KIAA1958: variants seen among roughly 807,000 people sequenced by gnomAD.
KIAA1958 encodes the protein uncharacterized protein KIAA1958.
Under a neutral mutation model 47.2 loss-of-function variants are expected in KIAA1958, and 14 were observed. The ratio of observed to expected loss-of-function variants is 0.30; its 90% CI spans 0.20 to 0.46. KIAA1958 has a LOEUF of 0.46. Among genes scored for constraint, KIAA1958 ranks in the 20% least tolerant of loss-of-function variants. The pLI, the probability that KIAA1958 is intolerant of heterozygous loss-of-function variation, is 1.00. For synonymous variants in KIAA1958, 354 were observed against 353.3 expected (o/e 1.00, Z -0.02); for missense variants, 803 against 909.2 (o/e 0.88, Z 1.50).
intron 1 of KIAA1958, among the ~76,000 whole-genome samples, chr9:112,564,707 T>G (rs1835398468): frequency 6.6e-6 from 1 of 152,244 alleles, no homozygotes; most frequent in Admixed American, 6.5e-5. Context: ...GATACAGCTA[T>G]AAATCAAAAT....
At chr9:112,610,817 G>C (rs1836315874) in intron 2 of KIAA1958, among the ~76,000 whole-genome samples, 1 of 152,092 alleles carries the variant, frequency 6.6e-6, no homozygotes, top group Admixed American at 6.5e-5. Flanking sequence ...GACAAAATTT[G>C]CTTATGAATA....
chr9:112,536,069 G>C (rs551983171), intron 1 of KIAA1958, among the ~76,000 whole-genome samples: 6 of 152,132 alleles, frequency 3.9e-5, no homozygotes, highest in African/African-American at 1.4e-4. Context: ...TTGACCTCTG[G>C]GTTCAATGAG....
intron 2 of KIAA1958, among the ~76,000 whole-genome samples, chr9:112,610,672 A>G (rs1461997854): frequency 6.6e-6 from 1 of 152,204 alleles, no homozygotes; most frequent in Admixed American, 6.5e-5. Flanking sequence ...TCCAGGACAC[A>G]TACAGAGAGC....
rs192888219 is a variant in KIAA1958 at position 112,539,829 on chromosome 9, T to C, written c.-24-34228T>C. Reference sequence around the variant, plus strand: ...CCTCAACCTCCTGAGTAGCTGGGATTACAAGCATGCCCCACCATGCCTGGC... The same window carrying C: ...CCTCAACCTCCTGAGTAGCTGGGATCACAAGCATGCCCCACCATGCCTGGC... On this transcript the variant is annotated intron_variant, in intron 1 of 3. Coordinates refer to ENST00000337530, the MANE Select transcript of KIAA1958 (RefSeq NM_133465.4). 6.9e-5 allele frequency among the ~76,000 whole-genome samples: 10 copies of C among 145,390 alleles called. No individual in the cohort carries two copies. The East Asian group carries it at 2.0e-3, about 30-fold the overall frequency.
intron 2 of KIAA1958, among the ~76,000 whole-genome samples, chr9:112,626,857 C>T (rs543112773): frequency 3.3e-5 from 5 of 149,464 alleles, no homozygotes; most frequent in Admixed American, 2.7e-4. Context: ...AAAATCATTA[C>T]GATTTCTATG....
At position 112,572,249 on chromosome 9, in the gene KIAA1958, T is replaced by C. The variant is rs191356295; in HGVS notation, c.-24-1808T>C. Among the ~76,000 whole-genome samples, 9 of 152,074 alleles carry C rather than the reference T, an allele frequency of 5.9e-5. No homozygotes were observed. In the East Asian group the frequency reaches 1.7e-3, roughly 29 times the overall value. On this transcript the variant is annotated intron_variant, in intron 1 of 3. Transcript: ENST00000337530. ...TACAATAAAAGTGATCTGAGGAAAA[T>C]TTATGTGTCTGACTTGAGAGAGTCT...
chr9:112,534,551 T>C (rs188300715), intron 1 of KIAA1958, among the ~76,000 whole-genome samples: 100 of 150,014 alleles, frequency 6.7e-4, no homozygotes, highest in African/African-American at 2.2e-3. Context: ...TCTTTTTTCT[T>C]TTTTTTTTTG....
intron 3 of KIAA1958, among the ~76,000 whole-genome samples, chr9:112,658,254 T>C (rs183794954): frequency 6.6e-6 from 1 of 152,294 alleles, no homozygotes; most frequent in East Asian, 1.9e-4. Context: ...AATGGAAAAA[T>C]CAAGGAGCAT....
In KIAA1958 at chr9:112,580,095, C is replaced by T. The variant is rs149432137; in HGVS notation, c.1171+4844C>T. ...AGCATTCCCAGTCACCCCTAAATCA[C>T]GCATAGGGGGATCAGGCCCCCACCC... On this transcript the variant is annotated intron_variant, in intron 2 of 3. Transcript: ENST00000337530. 7.6e-4 allele frequency among the ~76,000 whole-genome samples: 115 copies of T among 152,270 alleles called. 1 individual carries two copies. The highest frequency in any genetic ancestry group is 2.6e-3 in the African/African-American group (106 of 41,538).
chr9:112,541,174 G>A (rs377715700), intron 1 of KIAA1958, among the ~76,000 whole-genome samples: 4 of 152,044 alleles, frequency 2.6e-5, no homozygotes, highest in African/African-American at 9.7e-5. Flanking sequence ...AGAATATCTG[G>A]AACAATTTTG....
chr9:112,652,831 G>A (rs947507695), intron 3 of KIAA1958, among the ~76,000 whole-genome samples: 9 of 151,980 alleles, frequency 5.9e-5, no homozygotes, highest in East Asian at 1.9e-4. Context: ...CATGTTGCCC[G>A]GGCTGGTCTC....
intron 3 of KIAA1958, among the ~76,000 whole-genome samples, chr9:112,654,747 G>C (rs760737273): frequency 1.2e-4 from 18 of 151,270 alleles, no homozygotes; most frequent in Non-Finnish European, 2.2e-4. Context: ...AATGGTTACT[G>C]GCAAGTTATT....
intron 2 of KIAA1958, among the ~76,000 whole-genome samples, chr9:112,615,070 C>T (rs552066138): frequency 6.6e-5 from 10 of 152,154 alleles, no homozygotes; most frequent in Admixed American, 3.3e-4. Context: ...AAAGGTTTTT[C>T]AATATGTTTC....
At chr9:112,572,178 T>C (rs1320414784) in intron 1 of KIAA1958, among the ~76,000 whole-genome samples, 1 of 152,134 alleles carries the variant, frequency 6.6e-6, no homozygotes, top group Non-Finnish European at 1.5e-5. Flanking sequence ...GTGGCTGGGT[T>C]TGGGTTACAC....
chr9:112,632,178 A>G (rs1836721705), intron 2 of KIAA1958, among the ~76,000 whole-genome samples: 2 of 152,132 alleles, frequency 1.3e-5, no homozygotes, highest in Admixed American at 1.3e-4. Flanking sequence ...AATTTTTTCT[A>G]CATAATTATA....
intron 2 of KIAA1958, among the ~76,000 whole-genome samples, chr9:112,587,369 C>G (rs1835844656): frequency 6.6e-6 from 1 of 152,158 alleles, no homozygotes; most frequent in African/African-American, 2.4e-5. Flanking sequence ...AGGCTGGTCT[C>G]AAACACCTGA....
chr9:112,540,515 C>T (rs772688617), intron 1 of KIAA1958, among the ~76,000 whole-genome samples: 3 of 151,924 alleles, frequency 2.0e-5, no homozygotes, highest in Admixed American at 6.6e-5. Flanking sequence ...AATAAAAAAT[C>T]GGGGGTAAAA....
intron 2 of KIAA1958, among the ~76,000 whole-genome samples, chr9:112,602,667 G>T (rs996900237): frequency 6.6e-6 from 1 of 152,022 alleles, no homozygotes; most frequent in Admixed American, 6.6e-5. Context: ...TTGTGTGATG[G>T]CCAACGGGTC....
intron 2 of KIAA1958, among the ~76,000 whole-genome samples, chr9:112,631,438 A>G (rs1166285374): frequency 6.8e-6 from 1 of 148,060 alleles, no homozygotes; most frequent in Non-Finnish European, 1.5e-5. Flanking sequence ...AGGCAAGAGG[A>G]TTGTTTGAGC....
Sources: allele counts gnomAD v4.1 joint callset (sites outside exome capture counted in the v4.1 genomes callset), GRCh38; gene constraint gnomAD v4.1.1; transcripts MANE v1.5; gene names NCBI Gene and HGNC (gene_info 2026-07-23, HGNC 2026-07-21).